The following COIL variants were observed in gnomAD, a reference collection of about 807,000 sequenced individuals.
The protein encoded by COIL is coilin.
A neutral mutation model predicts 51.6 loss-of-function variants in COIL; 28 were observed. The ratio of observed to expected loss-of-function variants is 0.54; its 90% CI spans 0.40 to 0.74. COIL has a LOEUF of 0.74. Ranked by LOEUF, COIL falls within the 30% of genes least tolerant of loss-of-function variation. The pLI is 0.00. For synonymous variants in COIL, 233 were observed against 255.8 expected (o/e 0.91, Z 0.85); for missense variants, 667 against 685.9 (o/e 0.97, Z 0.31).
intron 1 of COIL, among the ~76,000 whole-genome samples, chr17:56,953,419 A>AC (rs1476727003): frequency 6.6e-6 from 1 of 151,106 alleles, no homozygotes; most frequent in Non-Finnish European, 1.5e-5. Context: ...TCAAAAAAAA[A>AC]AAAAAAAAAA....
At chr17:56,957,441 G>A (rs759111240) in intron 1 of COIL, among the ~76,000 whole-genome samples, 22 of 151,982 alleles carry the variant, frequency 1.4e-4, no homozygotes, top group Non-Finnish European at 3.1e-4. Flanking sequence ...CCAACATGGT[G>A]AAACCCCATC....
chr17:56,955,371 C>T (rs749885440), intron 1 of COIL, among the ~76,000 whole-genome samples: 7 of 152,164 alleles, frequency 4.6e-5, no homozygotes, highest in Non-Finnish European at 8.8e-5. Flanking sequence ...GCTATCCCCA[C>T]TTTTCATTCT....
At chr17:56,949,532 C>A in intron 3 of COIL, 98 bp from the exon 4 acceptor site, 1 of 1,437,420 alleles carries the variant, frequency 7.0e-7, no homozygotes, top group Non-Finnish European at 9.8e-7. Flanking sequence ...TCCACCCCGA[C>A]CAGTCTGGGA....
intron 4 of COIL, 71 bp downstream of exon 4, chr17:56,949,316 A>C: frequency 8.2e-7 from 1 of 1,214,106 alleles, no homozygotes; most frequent in Admixed American, 2.4e-5. Flanking sequence ...TATTATCCAT[A>C]CAAGTAGTAT....
At chr17:56,945,335 C>CA (rs368251023) in intron 5 of COIL, among the ~76,000 whole-genome samples, 2,122 of 145,402 alleles carry the variant, frequency 0.015, 47 homozygotes, top group African/African-American at 0.051. Context: ...GAGACTCTGT[C>CA]AAAAAAAAAA....
chr17:56,949,638 G>A (rs1910316361), intron 3 of COIL, 43 bp downstream of exon 3: 6 of 1,539,682 alleles, frequency 3.9e-6, no homozygotes, highest in Non-Finnish European at 5.4e-6. Flanking sequence ...TATTTGGAAG[G>A]GGAATGAACC....
Position 56,951,009 on chromosome 17 carries a change from C to T in COIL, c.246-13G>A. On this transcript the variant is annotated splice_polypyrimidine_tract_variant and intron_variant, in intron 1 of 6. Transcript: ENST00000240316. The stretch of plus-strand genomic sequence containing the variant: ...TTCTAATTTAACTCTGTCAAAAGAA[C>T]AAGAGAGAAAGCTAGAGTGAGCAAT... 2 of 1,588,810 alleles carry T rather than the reference C, an allele frequency of 1.3e-6. No homozygotes were observed. Among genetic ancestry groups the T allele is most frequent in the Non-Finnish European group, 1.7e-6 (2 of 1,174,258 alleles).
intron 1 of COIL, among the ~76,000 whole-genome samples, chr17:56,953,943 C>A (rs1262734602): frequency 6.6e-6 from 1 of 152,158 alleles, no homozygotes; most frequent in Admixed American, 6.5e-5. Flanking sequence ...CTTAATCTGG[C>A]AAAAGCCAGT....
chr17:56,954,570 A>T (rs1280030707), intron 1 of COIL, among the ~76,000 whole-genome samples: 1 of 151,936 alleles, frequency 6.6e-6, no homozygotes, highest in Non-Finnish European at 1.5e-5. Context: ...CAAAAAATAA[A>T]AAAAAAAAGA....
In COIL at chr17:56,938,367, C is replaced by G. The variant is rs1031540054; in HGVS notation, c.*704G>C. Reference sequence around the variant, plus strand: ...AAGATCCTCACTCCAGCACACTCAGCCAGGTGCCTGGCAAGATGACACATT... The same window carrying G: ...AAGATCCTCACTCCAGCACACTCAGGCAGGTGCCTGGCAAGATGACACATT... On this transcript the variant is annotated 3_prime_UTR_variant, in exon 7 of 7. Coordinates refer to ENST00000240316, the MANE Select transcript of COIL (RefSeq NM_004645.3). The G allele has an allele frequency of 1.3e-5, 2 of 152,170 alleles. No homozygotes were observed. The highest frequency in any genetic ancestry group is 1.3e-4 in the Admixed American group (2 of 15,266). 9.4% of individuals were successfully genotyped at this position (152,170 alleles called of 1,614,324 possible). A position where few individuals can be genotyped will look rare whatever the true frequency, so the allele number is the denominator to read the frequency against.
Position 56,938,758 on chromosome 17 carries a change from C to G in COIL, c.*313G>C, listed in dbSNP as rs1049260814. 5.2e-6 allele frequency: 1 copy of G among 192,552 alleles called. No homozygotes were observed. The highest frequency in any genetic ancestry group is 6.1e-5 in the Admixed American group (1 of 16,484). The allele number at this position is 192,552 out of a possible 1,614,324, so 11.9% of individuals were successfully genotyped here. On this transcript the variant is annotated 3_prime_UTR_variant, in exon 7 of 7. Coordinates refer to ENST00000240316, the MANE Select transcript of COIL (RefSeq NM_004645.3). ...TCTTGGTATTATAAACTCCTACTGA[C>G]GACTGCTACTTGATGGCCAAAAACA... is the stretch of plus-strand genomic sequence containing the variant.
intron 1 of COIL, among the ~76,000 whole-genome samples, chr17:56,953,422 A>C: frequency 6.6e-6 from 1 of 151,208 alleles, no homozygotes. Flanking sequence ...AAAAAAAAAA[A>C]AAAAAAAAAT....
intron 1 of COIL, among the ~76,000 whole-genome samples, chr17:56,959,572 T>C (rs1910544498): frequency 6.6e-6 from 1 of 152,218 alleles, no homozygotes; most frequent in Non-Finnish European, 1.5e-5. Context: ...AGACACTTAT[T>C]TGAGAGAATC....
chr17:56,952,419 T>C, intron 1 of COIL: 1 of 372,150 alleles, frequency 2.7e-6, no homozygotes, highest in Non-Finnish European at 5.2e-6. Flanking sequence ...GTAATACGTA[T>C]TTACAAATAT....
At position 56,950,549 on chromosome 17, in the gene COIL, T is replaced by C. The variant is rs1376760523; in HGVS notation, c.693A>G (p.Lys231=). 1 of 1,614,096 alleles carries C rather than the reference T, an allele frequency of 6.2e-7. No homozygotes were observed. Among genetic ancestry groups the C allele is most frequent in the Non-Finnish European group, 8.5e-7 (1 of 1,180,038 alleles). ...AGCAAACGCTTACACTACCTTTCCT[T>C]TTGGCTTTAACAAGGCTGTTTCTAG... The part of the protein sequence containing the change: ...GSARNSLVKA[K]RKGSVSVCSK... Residue 231 remains lysine, a synonymous_variant, in exon 2 of 7, where the codon AAA becomes AAG. Coordinates refer to ENST00000240316, the MANE Select transcript of COIL (RefSeq NM_004645.3).
intron 4 of COIL, among the ~76,000 whole-genome samples, chr17:56,946,840 A>G (rs1316820497): frequency 6.6e-6 from 1 of 152,234 alleles, no homozygotes; most frequent in East Asian, 1.9e-4. Context: ...GAAAAGGAGA[A>G]AAAAATCACA....
Position 56,950,264 on chromosome 17 carries a change from T to C in COIL, c.978A>G (p.Gln326=), listed in dbSNP as rs1445492895. 1.9e-6 allele frequency: 3 copies of C among 1,614,202 alleles called. No homozygotes were observed. Among genetic ancestry groups the C allele is most frequent in the Admixed American group, 1.7e-5 (1 of 60,016 alleles). Residue 326 remains glutamine (Q), a synonymous_variant, in exon 2 of 7, where the codon CAA becomes CAG. Coordinates refer to ENST00000240316, the MANE Select transcript of COIL (RefSeq NM_004645.3). ...SSDSSAESDD[Q]CLMSSSTPEC... is the part of the protein sequence containing the mutation. ...CCGGGGTGCTCGATGACATCAAGCA[T>C]TGGTCGTCTGACTCTGCACTAGAGT...
intron 1 of COIL, among the ~76,000 whole-genome samples, chr17:56,954,835 A>G (rs570814497): frequency 1.3e-5 from 2 of 152,182 alleles, no homozygotes; most frequent in African/African-American, 4.8e-5. Context: ...ATTAAGATTG[A>G]GAGGCAAAAT....
chr17:56,956,401 G>C (rs969347697), intron 1 of COIL, among the ~76,000 whole-genome samples: 1 of 151,422 alleles, frequency 6.6e-6, no homozygotes, highest in Non-Finnish European at 1.5e-5. Context: ...ACTGAGCCTA[G>C]CTAATTTTTT....
Sources: allele counts gnomAD v4.1 joint callset (sites outside exome capture counted in the v4.1 genomes callset), GRCh38; gene constraint gnomAD v4.1.1; transcripts MANE v1.5; gene names NCBI Gene and HGNC (gene_info 2026-07-23, HGNC 2026-07-21).